ANO3: variants seen among roughly 807,000 people sequenced by gnomAD.
ANO3 encodes the protein anoctamin 3, also known as anoctamin-3.
Under a neutral mutation model 144.8 loss-of-function variants are expected in ANO3, and 99 were observed. That is an observed-to-expected ratio of 0.68 (90% confidence interval 0.58 to 0.81). ANO3 has a LOEUF of 0.81. ANO3 is among the 30% of genes least tolerant of loss of function. The pLI, the probability that ANO3 is intolerant of heterozygous loss-of-function variation, is 0.00. For synonymous variants in ANO3, 414 were observed against 392.6 expected, an observed-to-expected ratio of 1.05 and a Z score of -0.64; for missense variants, 905 against 1,202.2, an observed-to-expected ratio of 0.75 and a Z score of 3.66.
At chr11:26,237,345 G>C (rs749256342) in intron 1 of ANO3, among the ~76,000 whole-genome samples, 5 of 151,888 alleles carry the variant, frequency 3.3e-5, no homozygotes, top group Non-Finnish European at 7.4e-5. Flanking sequence ...ATTGAGATTT[G>C]ATTACATTTC....
chr11:26,577,077 A>G (rs1464173557), intron 14 of ANO3, among the ~76,000 whole-genome samples: 1 of 152,020 alleles, frequency 6.6e-6, no homozygotes, highest in African/African-American at 2.4e-5. Context: ...TTTCTTTGGT[A>G]GGTGGTTAGT....
chr11:26,383,235 T>C (rs1209171368), intron 1 of ANO3, among the ~76,000 whole-genome samples: 1 of 152,136 alleles, frequency 6.6e-6, no homozygotes, highest in Non-Finnish European at 1.5e-5. Context: ...GATTAAACAC[T>C]CAAATTAATT....
intron 1 of ANO3, among the ~76,000 whole-genome samples, chr11:26,384,654 G>C (rs947117408): frequency 6.6e-6 from 1 of 152,076 alleles, no homozygotes; most frequent in Non-Finnish European, 1.5e-5. Flanking sequence ...CATCTTTCCA[G>C]TTTTCCCCAT....
At chr11:26,600,865 T>C (rs1403656753) in intron 17 of ANO3, among the ~76,000 whole-genome samples, 1 of 152,078 alleles carries the variant, frequency 6.6e-6, no homozygotes. Flanking sequence ...TTTTATGTGC[T>C]AGTTACTCAA....
intron 1 of ANO3, among the ~76,000 whole-genome samples, chr11:26,200,758 A>G (rs893482403): frequency 5.9e-5 from 9 of 152,144 alleles, no homozygotes; most frequent in African/African-American, 2.2e-4. Context: ...ATTCCTAGAG[A>G]GTATTGTCCT....
chr11:26,339,576 G>T (rs1400271364), intron 1 of ANO3, among the ~76,000 whole-genome samples: 1 of 151,672 alleles, frequency 6.6e-6, no homozygotes, highest in Non-Finnish European at 1.5e-5. Flanking sequence ...TTTCACCACA[G>T]CTGTCTATAG....
chr11:26,470,640 T>A (rs544394508), intron 4 of ANO3, among the ~76,000 whole-genome samples: 2 of 152,040 alleles, frequency 1.3e-5, no homozygotes, highest in Middle Eastern at 3.4e-3. Context: ...TGTATAATTA[T>A]ATAATAAAGT....
chr11:26,431,173 T>G (rs1858075397), intron 1 of ANO3, among the ~76,000 whole-genome samples: 1 of 152,240 alleles, frequency 6.6e-6, no homozygotes, highest in African/African-American at 2.4e-5. Flanking sequence ...TGTGACTGAT[T>G]GTTATTGTAC....
intron 1 of ANO3, among the ~76,000 whole-genome samples, chr11:26,432,916 A>G (rs1858168876): frequency 6.6e-6 from 1 of 152,132 alleles, no homozygotes; most frequent in African/African-American, 2.4e-5. Context: ...ATTTTAAAAT[A>G]GTTTTTTTCT....
At chr11:26,331,917 T>C (rs978827001), upstream of ANO3, 16 of 313,446 alleles carry the variant, frequency 5.1e-5, no homozygotes, top group African/African-American at 2.2e-4. Flanking sequence ...GGCATCAGTA[T>C]CAGCTCTAGA....
intron 1 of ANO3, among the ~76,000 whole-genome samples, chr11:26,394,177 T>G (rs1443676097): frequency 6.6e-6 from 1 of 152,152 alleles, no homozygotes; most frequent in Non-Finnish European, 1.5e-5. Context: ...AATATCTAAG[T>G]AAAATTCTAA....
At position 26,479,807 on chromosome 11, in the gene ANO3, AAG is replaced by A. The variant is rs1590398527; in HGVS notation, c.432+16663_432+16664del. ...TTTTTGAAAGGGAGGGTATAAGAGA[AAG>A]AGAACTCTAAACTTGTAATAGCAAA... On this transcript the variant is annotated intron_variant, in intron 4 of 26. Transcript: ENST00000256737. Among the ~76,000 whole-genome samples, 4 of 152,310 alleles carry A rather than the reference AAG, an allele frequency of 2.6e-5. No individual in the cohort carries two copies. The East Asian group carries it at 7.7e-4, about 29-fold the overall frequency.
At position 26,525,653 on chromosome 11, in the gene ANO3, T is replaced by G. The variant is rs1321351898; in HGVS notation, c.711T>G (p.Thr237=). The part of the protein sequence containing the change: ...RMPFRKKCYY[T]DGRSKSMGRM... ...TTTTCAGGAAAAAATGCTATTACAC[T>G]GACGGGAGGAGCAAATCAATGGGCA... The change falls in exon 7 of 27, where the codon ACT becomes ACG. Residue 237 remains threonine (T), a synonymous_variant. Coordinates refer to ENST00000256737, the MANE Select transcript of ANO3 (RefSeq NM_031418.4). The G allele has an allele frequency of 1.2e-6, 2 of 1,610,750 alleles. No homozygotes were observed. The highest frequency in any genetic ancestry group is 1.7e-5 in the Admixed American group (1 of 59,492).
At chr11:26,622,654 G>GATGT (rs1852453675) in intron 17 of ANO3, among the ~76,000 whole-genome samples, 1 of 152,094 alleles carries the variant, frequency 6.6e-6, no homozygotes, top group African/African-American at 2.4e-5. Context: ...GACAAGGCAC[G>GATGT]ATGTATGTGG....
intron 19 of ANO3, 116 bp downstream of exon 19, chr11:26,634,431 G>A: frequency 3.1e-6 from 2 of 646,494 alleles, no homozygotes; most frequent in Non-Finnish European, 5.3e-6. Context: ...GCTAAAGTTG[G>A]CACAAAAAAA....
At chr11:26,268,713 T>C (rs555012579) in intron 1 of ANO3, among the ~76,000 whole-genome samples, 1 of 152,300 alleles carries the variant, frequency 6.6e-6, no homozygotes, top group South Asian at 2.1e-4. Context: ...CTCCTAGTTC[T>C]AGATCAGTGC....
At chr11:26,396,517 C>A (rs1857017427) in intron 1 of ANO3, among the ~76,000 whole-genome samples, 1 of 152,096 alleles carries the variant, frequency 6.6e-6, no homozygotes, top group Non-Finnish European at 1.5e-5. Context: ...CAGCACTGTT[C>A]ACAATAGCAA....
At chr11:26,220,623 A>G (rs1852123166) in intron 1 of ANO3, among the ~76,000 whole-genome samples, 1 of 152,214 alleles carries the variant, frequency 6.6e-6, no homozygotes, top group East Asian at 1.9e-4. Flanking sequence ...TTCTCATTGG[A>G]GGAGACAATA....
At chr11:26,633,330 C>T (rs1254755275) in intron 18 of ANO3, among the ~76,000 whole-genome samples, 1 of 152,122 alleles carries the variant, frequency 6.6e-6, no homozygotes, top group Non-Finnish European at 1.5e-5. Flanking sequence ...ATCCCTTATT[C>T]TATAGATGAC....
Sources: gnomAD v4.1 joint callset for allele counts (sites outside exome capture counted in the v4.1 genomes callset) on GRCh38, gnomAD v4.1.1 for gene constraint, MANE v1.5 for transcripts, NCBI Gene and HGNC (gene_info 2026-07-23, HGNC 2026-07-21) for gene names.